PCGF3: variants seen among roughly 807,000 people sequenced by gnomAD.
PCGF3 encodes polycomb group RING finger protein 3.
In PCGF3, 7 loss-of-function variants were observed where a neutral mutation model predicts 33.1. That is an observed-to-expected ratio of 0.21 (90% CI 0.12 to 0.40). The LOEUF is 0.40. PCGF3 is among the 10% of genes least tolerant of loss of function. The pLI, the probability that PCGF3 is intolerant of heterozygous loss-of-function variation, is 1.00. For missense variants in PCGF3, 211 were observed against 313.3 expected (o/e 0.67, Z 2.46); for synonymous variants, 153 against 121.3 (o/e 1.26, Z -1.72).
At chr4:727,076 C>T (rs965869318) in intron 1 of PCGF3, among the ~76,000 whole-genome samples, 3 of 152,034 alleles carry the variant, frequency 2.0e-5, no homozygotes, top group Admixed American at 1.3e-4. Context: ...CTCTCACTGC[C>T]GAGCCGCATC....
chr4:741,396 CTTAT>C (rs748346506), intron 6 of PCGF3, among the ~76,000 whole-genome samples: 43 of 152,276 alleles, frequency 2.8e-4, no homozygotes, highest in Non-Finnish European at 4.3e-4. Context: ...ACAGTGAGCT[CTTAT>C]TTATTTATTT....
chr4:733,305 G>A (rs1349947973), intron 3 of PCGF3, among the ~76,000 whole-genome samples: 2 of 152,232 alleles, frequency 1.3e-5, no homozygotes, highest in East Asian at 1.9e-4. Context: ...CTGCCTTCGC[G>A]GGCTCCTCCT....
At position 718,928 on chromosome 4, in the gene PCGF3, T is replaced by C. The variant is rs553824084; in HGVS notation, c.-189-11702T>C. 7.9e-5 allele frequency among the ~76,000 whole-genome samples: 12 copies of C among 152,354 alleles called. No homozygotes were observed. The East Asian group carries it at 2.3e-3, about 29-fold the overall frequency. ...TCAAAGCGCTGTCATGTTGTAGCAT[T>C]GTTTTTCATTTTCTTTTTTTTCTTT... is the stretch of plus-strand genomic sequence containing the variant. On this transcript the variant is annotated intron_variant, in intron 1 of 10. Coordinates refer to ENST00000362003, the Ensembl canonical transcript of PCGF3.
Position 715,492 on chromosome 4 carries a change from T to A in PCGF3, c.-190+9522T>A, listed in dbSNP as rs13126515. On this transcript the variant is annotated intron_variant, in intron 1 of 10. Transcript: ENST00000362003. ...ACTGGGCGTCTGTGCTGGGACCCTA[T>A]AGACACTGAGTGGGAGAACTGGGCG... Among the ~76,000 whole-genome samples the A allele has an allele frequency of 6.0e-5, 8 of 134,258 alleles. 1 individual carries two copies. Among genetic ancestry groups the A allele is most frequent in the Admixed American group, 5.8e-4 (8 of 13,774 alleles). The allele number at this position is 134,258 out of a possible 152,430, so 88.1% of individuals were successfully genotyped here.
intron 8 of PCGF3, among the ~76,000 whole-genome samples, chr4:750,386 G>A (rs1032520986): frequency 6.6e-6 from 1 of 152,132 alleles, no homozygotes; most frequent in African/African-American, 2.4e-5. Context: ...GTTCACTTGG[G>A]TGCAGATTTT....
rs1463069547 is a variant in PCGF3, at chr4:736,785, G to A, written c.207-681G>A. On this transcript the variant is annotated intron_variant, in intron 5 of 10. Coordinates refer to ENST00000362003, the Ensembl canonical transcript of PCGF3. ...CAGGGACGGTGTCCCCTGAGCGCACGGGACGCGGGAAACCTGGGGTGTCTG... is the reference window on the plus strand; with the variant it reads ...CAGGGACGGTGTCCCCTGAGCGCACAGGACGCGGGAAACCTGGGGTGTCTG... 3.4e-5 allele frequency among the ~76,000 whole-genome samples: 5 copies of A among 145,806 alleles called. No homozygotes were observed. In the South Asian group the frequency reaches 6.6e-4, roughly 19 times the overall value.
intron 1 of PCGF3, among the ~76,000 whole-genome samples, chr4:711,673 G>C (rs374284322): frequency 2.0e-4 from 30 of 151,110 alleles, no homozygotes; most frequent in Non-Finnish European, 3.8e-4. Context: ...TAGCCAGGAT[G>C]GTCTCGATCT....
chr4:763,417 G>GC (rs1745179631), intron 9 of PCGF3, among the ~76,000 whole-genome samples: 2 of 152,080 alleles, frequency 1.3e-5, no homozygotes, highest in South Asian at 4.1e-4. Context: ...GTGCCTCTGA[G>GC]CCCCCAACCC....
intron 8 of PCGF3, among the ~76,000 whole-genome samples, chr4:756,075 A>G (rs2335171): frequency 0.76 from 115,020 of 151,544 alleles, 44,055 homozygotes; most frequent in South Asian, 0.87. Context: ...CACCATACCC[A>G]GCTAATTTTT....
rs142722208 is a variant in PCGF3, at chr4:733,220, G to GC, written c.-9-449dup. On this transcript the variant is annotated intron_variant, in intron 3 of 10. Transcript: ENST00000362003. Reference sequence around the variant, plus strand: ...GCATACAGCCCAGACTCTAAACTGGGCCCAAGGGTCGCGCTGTGAGCCGCA... The same window carrying GC: ...GCATACAGCCCAGACTCTAAACTGGGCCCCAAGGGTCGCGCTGTGAGCCGCA... Among the ~76,000 whole-genome samples the GC allele has an allele frequency of 6.6e-3, 1,013 of 152,356 alleles. 13 individuals are homozygous for GC. Among genetic ancestry groups the GC allele is most frequent in the African/African-American group, 0.023 (966 of 41,590 alleles).
At chr4:715,957 C>T (rs1465809487) in intron 1 of PCGF3, among the ~76,000 whole-genome samples, 1 of 74,734 alleles carries the variant, frequency 1.3e-5, no homozygotes, top group African/African-American at 4.4e-5. Context: ...AACTGGGCGT[C>T]GGTGCTGGGA....
exon 8 of PCGF3, chr4:744,621 G>A: frequency 6.4e-7 from 1 of 1,559,940 alleles, no homozygotes; most frequent in Non-Finnish European, 8.7e-7. Context: ...GCAGACGACA[G>A]TTCAAACAAA....
chr4:731,568 G>C (rs1743564507), intron 3 of PCGF3, among the ~76,000 whole-genome samples: 1 of 129,192 alleles, frequency 7.7e-6, no homozygotes, highest in South Asian at 2.8e-4. Context: ...CTCCCGTCGT[G>C]GGTGGGCGTG....
chr4:716,198 T>G (rs1258569803), intron 1 of PCGF3, among the ~76,000 whole-genome samples: 96 of 56,748 alleles, frequency 1.7e-3, no homozygotes, highest in South Asian at 2.5e-3. Flanking sequence ...TGTAGACACT[T>G]AGTGTGAGAA....
At chr4:711,327 TAA>T (rs1742552091) in intron 1 of PCGF3, among the ~76,000 whole-genome samples, 1 of 152,252 alleles carries the variant, frequency 6.6e-6, no homozygotes, top group African/African-American at 2.4e-5. Context: ...ATTTGGATTA[TAA>T]AGTGAGTCTT....
intron 1 of PCGF3, among the ~76,000 whole-genome samples, chr4:712,465 G>C (rs984089292): frequency 2.0e-5 from 3 of 151,892 alleles, no homozygotes; most frequent in Non-Finnish European, 2.9e-5. Flanking sequence ...TGTTTGTTTT[G>C]AGATGGAGTT....
At chr4:751,656 AG>A (rs1744519429) in intron 8 of PCGF3, among the ~76,000 whole-genome samples, 2 of 145,484 alleles carry the variant, frequency 1.4e-5, no homozygotes, top group Admixed American at 1.4e-4. Flanking sequence ...CCTGCCACCC[AG>A]GCCCATGTTT....
rs375390826 is a variant in PCGF3 at position 730,704 on chromosome 4, G to C, written c.-151+36G>C. The C allele has an allele frequency of 2.3e-3, 586 of 259,270 alleles. 1 individual carries two copies. The highest frequency in any genetic ancestry group is 0.012 in the African/African-American group (533 of 45,514). The allele number at this position is 259,270 out of a possible 1,614,324, so 16.1% of individuals were successfully genotyped here. On this transcript the variant is annotated intron_variant, in intron 2 of 10. Coordinates refer to ENST00000362003, the Ensembl canonical transcript of PCGF3. ...GTAGGCCGACTGCCCTCTTCTTTCC[G>C]CACCTGTGAACTGCCGGACTCCGCC... is the stretch of plus-strand genomic sequence containing the variant.
intron 6 of PCGF3, among the ~76,000 whole-genome samples, chr4:741,485 C>T (rs372946985): frequency 3.9e-4 from 60 of 152,360 alleles, no homozygotes; most frequent in African/African-American, 1.4e-3. Flanking sequence ...CAGCTCACTG[C>T]AACCTCCGCC....
Sources: gnomAD v4.1 joint callset for allele counts (sites outside exome capture counted in the v4.1 genomes callset) on GRCh38, gnomAD v4.1.1 for gene constraint, MANE v1.5 for transcripts, NCBI Gene and HGNC (gene_info 2026-07-23, HGNC 2026-07-21) for gene names.